Variants in NBEA observed in about 807,000 individuals in gnomAD.
The protein encoded by NBEA is lysosomal-trafficking regulator 2.
In NBEA, 44 loss-of-function variants were observed where a neutral mutation model predicts 343.4. That is an observed-to-expected ratio of 0.13 (90% CI 0.10 to 0.16). The LOEUF (loss-of-function observed/expected upper bound fraction) is 0.16. Ranked by LOEUF, NBEA falls within the 10% of genes least tolerant of loss-of-function variation. NBEA has a pLI of 1.00. For missense variants in NBEA, 2,555 were observed against 3,631.3 expected, an observed-to-expected ratio of 0.70 and a Z score of 7.62; for synonymous variants, 1,175 against 1,238.7, an observed-to-expected ratio of 0.95 and a Z score of 1.08.
intron 36 of NBEA, among the ~76,000 whole-genome samples, chr13:35,329,885 C>CT (rs2038815494): frequency 6.6e-6 from 1 of 151,950 alleles, no homozygotes; most frequent in African/African-American, 2.4e-5. Context: ...CCCAGAAGGC[C>CT]TTCGCTTATC....
intron 18 of NBEA, among the ~76,000 whole-genome samples, chr13:35,151,313 G>T (rs554095160): frequency 6.6e-6 from 1 of 152,150 alleles, no homozygotes; most frequent in East Asian, 1.9e-4. Context: ...GGAGGCCGAG[G>T]TGGGTGGATC....
chr13:34,989,803 A>G (rs1033504746), intron 1 of NBEA, among the ~76,000 whole-genome samples: 4 of 150,776 alleles, frequency 2.7e-5, no homozygotes, highest in South Asian at 2.1e-4. Context: ...AGGCACGTCT[A>G]TTTGCCTATG....
chr13:35,589,678 G>A (rs1168968504), intron 46 of NBEA, among the ~76,000 whole-genome samples: 1 of 152,064 alleles, frequency 6.6e-6, no homozygotes, highest in Non-Finnish European at 1.5e-5. Context: ...GAGGCAACAG[G>A]GAAACGGCAT....
Position 35,606,472 on chromosome 13 carries a change from G to A in NBEA, c.7343G>A (p.Ser2448Asn). 2.5e-6 allele frequency: 4 copies of A among 1,592,426 alleles called. No homozygotes were observed. The highest frequency in any genetic ancestry group is 3.4e-6 in the Non-Finnish European group (4 of 1,167,268). ...FYYLPEMFVN[S>N]NGYNLGVRED... Reference sequence around the variant, plus strand: ...TACCTACCAGAGATGTTTGTCAACAGTAATGGATATAATCTTGGAGTCAGA... The same window carrying A: ...TACCTACCAGAGATGTTTGTCAACAATAATGGATATAATCTTGGAGTCAGA... Residue 2448 changes from serine to asparagine, a missense_variant, in exon 48 of 59, where the codon AGT becomes AAT. Around this residue, in one of 21 missense-constraint regions of NBEA, gnomAD observed 156 missense variants for 185.8 expected, o/e 0.84. Transcript: ENST00000379939.
chr13:35,488,060 G>A (rs765248412), intron 41 of NBEA, among the ~76,000 whole-genome samples: 4 of 151,832 alleles, frequency 2.6e-5, no homozygotes, highest in Non-Finnish European at 5.9e-5. Context: ...GAGGTCCTAA[G>A]TACATGACTT....
chr13:35,299,827 T>A (rs1594124810), intron 35 of NBEA, among the ~76,000 whole-genome samples: 1 of 152,226 alleles, frequency 6.6e-6, no homozygotes, highest in South Asian at 2.1e-4. Context: ...TTGTTGTTGA[T>A]GAAATGACAG....
At chr13:35,530,584 C>T (rs1003749919) in intron 41 of NBEA, among the ~76,000 whole-genome samples, 1 of 152,158 alleles carries the variant, frequency 6.6e-6, no homozygotes, top group African/African-American at 2.4e-5. Flanking sequence ...GTTTCCTTCC[C>T]CTTTGGCCTG....
intron 39 of NBEA, among the ~76,000 whole-genome samples, chr13:35,445,131 C>T (rs2045927188): frequency 6.6e-6 from 1 of 152,036 alleles, no homozygotes; most frequent in Admixed American, 6.6e-5. Context: ...GTTGGATAGG[C>T]ATTGTGCCAA....
At chr13:35,265,745 C>G (rs1335635903) in intron 34 of NBEA, among the ~76,000 whole-genome samples, 2 of 151,884 alleles carry the variant, frequency 1.3e-5, no homozygotes, top group African/African-American at 2.4e-5. Context: ...AGACCTACAA[C>G]TATGAAACTA....
chr13:35,495,183 T>A (rs896760190), intron 41 of NBEA, among the ~76,000 whole-genome samples: 1 of 151,786 alleles, frequency 6.6e-6, no homozygotes, highest in Non-Finnish European at 1.5e-5. Flanking sequence ...AAAAAAGATA[T>A]GCACACAAAC....
chr13:35,294,276 GA>G (rs1190129153), intron 35 of NBEA, among the ~76,000 whole-genome samples: 1 of 150,532 alleles, frequency 6.6e-6, no homozygotes, highest in East Asian at 1.9e-4. Flanking sequence ...TTTGGCCTTT[GA>G]ACATTTACGT....
At chr13:35,349,078 T>C (rs778343863) in intron 36 of NBEA, 30 bp from the exon 37 acceptor site, 1 of 1,285,150 alleles carries the variant, frequency 7.8e-7, no homozygotes, top group Non-Finnish European at 1.1e-6. Flanking sequence ...CTATTAAGAA[T>C]AATATTTCTA....
chr13:35,097,003 T>C (rs1293798910), intron 10 of NBEA, among the ~76,000 whole-genome samples: 3 of 151,898 alleles, frequency 2.0e-5, no homozygotes, highest in African/African-American at 7.2e-5. Context: ...GTTAATATAA[T>C]TGAATTTTAA....
Position 35,220,479 on chromosome 13 carries a change from T to C in NBEA, c.5648+9300T>C, listed in dbSNP as rs190934474. Among the ~76,000 whole-genome samples the C allele has an allele frequency of 4.6e-5, 7 of 152,334 alleles. No individual in the cohort carries two copies. The East Asian group carries it at 1.2e-3, about 25-fold the overall frequency. On this transcript the variant is annotated intron_variant, in intron 33 of 58. Coordinates refer to ENST00000379939, the MANE Select transcript of NBEA (RefSeq NM_001385012.1). ...TGTTTGAAAGGATATTTTGAACCAA[T>C]AGAATTCTAGGTTGGCAATTATTTT...
chr13:35,436,759 G>A (rs1309142430), intron 39 of NBEA, among the ~76,000 whole-genome samples: 2 of 149,798 alleles, frequency 1.3e-5, no homozygotes, highest in African/African-American at 4.9e-5. Flanking sequence ...TAACTGTGTA[G>A]AATTTCTGCT....
chr13:35,144,827 C>G (rs982485880), intron 18 of NBEA, among the ~76,000 whole-genome samples: 3 of 152,158 alleles, frequency 2.0e-5, no homozygotes, highest in Admixed American at 6.6e-5. Context: ...GCATGACCAT[C>G]ATTTTGACAT....
chr13:35,285,417 G>A (rs994366943), intron 34 of NBEA, among the ~76,000 whole-genome samples: 1 of 152,150 alleles, frequency 6.6e-6, no homozygotes, highest in African/African-American at 2.4e-5. Context: ...CAGATTGTCA[G>A]TATAGTCATG....
intron 33 of NBEA, among the ~76,000 whole-genome samples, chr13:35,211,602 G>T (rs928467562): frequency 3.3e-5 from 5 of 151,850 alleles, no homozygotes; most frequent in African/African-American, 7.3e-5. Context: ...ATCACTTGAG[G>T]CCAGAAGTTG....
At chr13:35,408,162 CAT>C (rs2043377744) in intron 38 of NBEA, among the ~76,000 whole-genome samples, 1 of 152,078 alleles carries the variant, frequency 6.6e-6, no homozygotes, top group Non-Finnish European at 1.5e-5. Context: ...AAAACAGACA[CAT>C]AGACCAATGG....
Sources: allele counts gnomAD v4.1 joint callset (sites outside exome capture counted in the v4.1 genomes callset), GRCh38; gene constraint gnomAD v4.1.1; regional missense constraint gnomAD v4.1.1; transcripts MANE v1.5; gene names NCBI Gene and HGNC (gene_info 2026-07-23, HGNC 2026-07-21).